Variants in HSD17B12 observed in about 807,000 individuals in gnomAD.
HSD17B12 encodes very-long-chain 3-oxoacyl-CoA reductase.
Under a neutral mutation model 39.3 loss-of-function variants are expected in HSD17B12, and 32 were observed. The observed-to-expected ratio is 0.81, with a 90% CI of 0.61 to 1.09. The LOEUF (loss-of-function observed/expected upper bound fraction) is 1.09, where lower values mean the gene tolerates loss of function less well. Ranked by LOEUF, HSD17B12 falls within the 50% of genes least tolerant of loss-of-function variation. The pLI, the probability that HSD17B12 is intolerant of heterozygous loss-of-function variation, is 0.00. For synonymous variants in HSD17B12, 150 were observed against 146.7 expected, an observed-to-expected ratio of 1.02 and a Z score of -0.16; for missense variants, 342 against 382.9, an observed-to-expected ratio of 0.89 and a Z score of 0.89.
chr11:43,839,498 A>G (rs1200302808), intron 8 of HSD17B12, among the ~76,000 whole-genome samples: 1 of 152,156 alleles, frequency 6.6e-6, no homozygotes, highest in African/African-American at 2.4e-5. Context: ...TTAAGGTTGT[A>G]TTATCAGAAG....
chr11:43,852,394 C>T (rs903200719), intron 9 of HSD17B12: 12 of 151,682 alleles, frequency 7.9e-5, no homozygotes, highest in Non-Finnish European at 1.8e-4. Flanking sequence ...AATGATTAGA[C>T]CATCTCTACC....
At chr11:43,580,417 G>A in the HSD17B12 span, among the ~76,000 whole-genome samples, 1 of 151,928 alleles carries the variant, frequency 6.6e-6, no homozygotes, top group Admixed American at 6.6e-5. Context: ...GTGCACCTGA[G>A]GCGAATGGGC....
At chr11:43,595,846 G>C in the HSD17B12 span, among the ~76,000 whole-genome samples, 1 of 152,186 alleles carries the variant, frequency 6.6e-6, no homozygotes, top group East Asian at 1.9e-4. Context: ...GAGCGAGAGA[G>C]AGAGAGAAAG....
intron 3 of HSD17B12, among the ~76,000 whole-genome samples, chr11:43,775,254 T>C (rs957632845): frequency 1.1e-4 from 16 of 151,992 alleles, no homozygotes; most frequent in African/African-American, 3.6e-4. Flanking sequence ...AACAGCGGAG[T>C]CAATTACATT....
the HSD17B12 span, among the ~76,000 whole-genome samples, chr11:43,631,658 CCTCT>C: frequency 2.7e-4 from 41 of 149,728 alleles, 1 homozygote; most frequent in African/African-American, 2.0e-4. Context: ...TCTCTCTCTC[CCTCT>C]GTCTCTCTCT....
chr11:43,621,881 T>A, the HSD17B12 span, among the ~76,000 whole-genome samples: 1 of 152,208 alleles, frequency 6.6e-6, no homozygotes, highest in Non-Finnish European at 1.5e-5. Context: ...ACTTAGTGCA[T>A]GTTTAATCAT....
At chr11:43,717,139 A>G (rs1950131221) in intron 1 of HSD17B12, among the ~76,000 whole-genome samples, 1 of 152,190 alleles carries the variant, frequency 6.6e-6, no homozygotes, top group African/African-American at 2.4e-5. Flanking sequence ...AACTTACAAT[A>G]TTGATGTGCT....
At chr11:43,781,189 A>G (rs1950762166) in intron 3 of HSD17B12, among the ~76,000 whole-genome samples, 1 of 152,130 alleles carries the variant, frequency 6.6e-6, no homozygotes, top group Admixed American at 6.5e-5. Flanking sequence ...TCCATGATAC[A>G]ATCTCCTTCT....
intron 1 of HSD17B12, among the ~76,000 whole-genome samples, chr11:43,732,418 C>G (rs1232614345): frequency 1.3e-5 from 2 of 151,892 alleles, no homozygotes; most frequent in Non-Finnish European, 2.9e-5. Context: ...TTTGTTGAAA[C>G]TGCAAAAGGA....
chr11:43,666,487 A>T, the HSD17B12 span, among the ~76,000 whole-genome samples: 1 of 152,050 alleles, frequency 6.6e-6, no homozygotes, highest in East Asian at 1.9e-4. Flanking sequence ...CTGCAGGCGC[A>T]CACCACCACA....
chr11:43,668,864 A>T, the HSD17B12 span, among the ~76,000 whole-genome samples: 2 of 151,898 alleles, frequency 1.3e-5, no homozygotes, highest in East Asian at 1.9e-4. Context: ...TAAAAAAAAA[A>T]ATTTTTTTTT....
chr11:43,749,048 A>G (rs1205915216), intron 1 of HSD17B12, among the ~76,000 whole-genome samples: 1 of 152,184 alleles, frequency 6.6e-6, no homozygotes, highest in Non-Finnish European at 1.5e-5. Context: ...AGATAACCAG[A>G]CATATGCTTC....
At chr11:43,675,617 A>G in the HSD17B12 span, among the ~76,000 whole-genome samples, 1 of 152,280 alleles carries the variant, frequency 6.6e-6, no homozygotes, top group African/African-American at 2.4e-5. Context: ...CTTAAAAAAA[A>G]AAAAACCCTC....
intron 9 of HSD17B12, chr11:43,848,281 A>T (rs892467613): frequency 2.6e-5 from 4 of 152,178 alleles, no homozygotes; most frequent in African/African-American, 9.6e-5. Context: ...ATCCCTTCCA[A>T]CCAGCTGAAT....
At chr11:43,698,164 CT>C (rs1473731523) in intron 1 of HSD17B12, among the ~76,000 whole-genome samples, 2 of 152,022 alleles carry the variant, frequency 1.3e-5, no homozygotes, top group Non-Finnish European at 2.9e-5. Flanking sequence ...GATTGTGGGG[CT>C]GAGGGAGACA....
At chr11:43,615,052 C>A in the HSD17B12 span, among the ~76,000 whole-genome samples, 5 of 152,112 alleles carry the variant, frequency 3.3e-5, no homozygotes, top group Admixed American at 3.3e-4. Flanking sequence ...GTAGATTCTA[C>A]AATTTGCAAG....
chr11:43,821,767 A>C (rs1951185336), intron 6 of HSD17B12, among the ~76,000 whole-genome samples: 1 of 152,230 alleles, frequency 6.6e-6, no homozygotes, highest in African/African-American at 2.4e-5. Context: ...GTCCAAAGAC[A>C]GATTCTAAAA....
rs1565099577 is a variant in HSD17B12, at chr11:43,816,397, C to T, written c.501+6C>T. On this transcript the variant is annotated splice_donor_region_variant and intron_variant, in intron 6 of 10. Transcript: ENST00000278353. ...ATATTCTTTCTGTTTGTAAGGTAAG[C>T]ATCCTTGTTATAAAGATGTCATCCT... 3.3e-6 allele frequency: 5 copies of T among 1,519,308 alleles called. No individual in the cohort carries two copies. The highest frequency in any genetic ancestry group is 1.2e-5 in the South Asian group (1 of 81,192). 94.1% of individuals were successfully genotyped at this position (1,519,308 alleles called of 1,614,324 possible).
chr11:43,773,320 T>C (rs1950667756), intron 3 of HSD17B12, among the ~76,000 whole-genome samples: 1 of 152,194 alleles, frequency 6.6e-6, no homozygotes, highest in Non-Finnish European at 1.5e-5. Flanking sequence ...CATAGCTCAC[T>C]GTAACTTTAA....
Sources: gnomAD v4.1 joint callset for allele counts (sites outside exome capture counted in the v4.1 genomes callset) on GRCh38, gnomAD v4.1.1 for gene constraint, MANE v1.5 for transcripts, NCBI Gene and HGNC (gene_info 2026-07-23, HGNC 2026-07-21) for gene names.